The following HSD17B12 variants were observed in gnomAD, a reference collection of about 807,000 sequenced individuals.
HSD17B12 encodes hydroxysteroid 17-beta dehydrogenase 12.
In HSD17B12, 32 loss-of-function variants were observed where a neutral mutation model predicts 39.3. The observed-to-expected ratio is 0.81, with a 90% confidence interval of 0.61 to 1.09. The LOEUF (loss-of-function observed/expected upper bound fraction) is 1.09. Among genes scored for constraint, HSD17B12 ranks in the 50% least tolerant of loss-of-function variants. The pLI, the probability that HSD17B12 is intolerant of heterozygous loss-of-function variation, is 0.00. For missense variants in HSD17B12, 342 were observed against 382.9 expected (o/e 0.89, Z 0.89); for synonymous variants, 150 against 146.7 (o/e 1.02, Z -0.16).
intron 3 of HSD17B12, among the ~76,000 whole-genome samples, chr11:43,756,372 T>C (rs1401350222): frequency 4.6e-5 from 7 of 152,150 alleles, no homozygotes; most frequent in African/African-American, 2.4e-5. Context: ...GGCCAAGATA[T>C]ACAGTATTTT....
intron 9 of HSD17B12, among the ~76,000 whole-genome samples, chr11:43,840,870 A>T (rs1028511360): frequency 1.3e-5 from 2 of 152,170 alleles, no homozygotes; most frequent in Non-Finnish European, 2.9e-5. Context: ...TCTGTTTTCA[A>T]TTCTTTTGTA....
At chr11:43,834,368 A>AT (rs11338478) in intron 7 of HSD17B12, among the ~76,000 whole-genome samples, 87 of 147,050 alleles carry the variant, frequency 5.9e-4, no homozygotes, top group African/African-American at 1.4e-3. Flanking sequence ...TTGGGATGGA[A>AT]TTTTTTTTTT....
At chr11:43,712,071 T>A (rs1002102963) in intron 1 of HSD17B12, among the ~76,000 whole-genome samples, 1 of 152,298 alleles carries the variant, frequency 6.6e-6, no homozygotes, top group Middle Eastern at 3.4e-3. Context: ...TTAAGTCTGA[T>A]AAGAAACATT....
At chr11:43,754,838 T>A in intron 3 of HSD17B12, 1 of 760,394 alleles carries the variant, frequency 1.3e-6, no homozygotes, top group Non-Finnish European at 2.4e-6. Flanking sequence ...GCAATACCCA[T>A]GTGACAGGGA....
Position 43,855,591 on chromosome 11 carries a change from G to C in HSD17B12, c.*343G>C, listed in dbSNP as rs1485403944. On this transcript the variant is annotated 3_prime_UTR_variant, in exon 11 of 11. Transcript: ENST00000278353. ...TTGGCAGTTTTATCTGCTTCAAAAT[G>C]CCATTGATCATTATTCCTGTATTTT... 1.3e-5 allele frequency: 2 copies of C among 156,040 alleles called. No homozygotes were observed. Among genetic ancestry groups the C allele is most frequent in the African/African-American group, 4.8e-5 (2 of 41,556 alleles). 9.7% of individuals were successfully genotyped at this position (156,040 alleles called of 1,614,324 possible).
chr11:43,650,262 GAAAAC>G, the HSD17B12 span, among the ~76,000 whole-genome samples: 5 of 151,964 alleles, frequency 3.3e-5, no homozygotes, highest in Admixed American at 2.0e-4. Context: ...TTTTTCAAAT[GAAAAC>G]AAAACAAAAC....
the HSD17B12 span, among the ~76,000 whole-genome samples, chr11:43,566,912 A>G: frequency 1.5e-4 from 23 of 152,332 alleles, no homozygotes; most frequent in South Asian, 4.6e-3. Flanking sequence ...TCAGCAGGGA[A>G]AGGACTGCAG....
At position 43,832,600 on chromosome 11, in the gene HSD17B12, A is replaced by C. The variant is rs576883052; in HGVS notation, c.536+1590A>C. ...CCAAGAAGCTGGGAACTTCACTGCTATCTCTGTAGACCTGACAGCCATGAT... is the reference window on the plus strand; with the variant it reads ...CCAAGAAGCTGGGAACTTCACTGCTCTCTCTGTAGACCTGACAGCCATGAT... On this transcript the variant is annotated intron_variant, in intron 7 of 10. Coordinates refer to ENST00000278353, the MANE Select transcript of HSD17B12 (RefSeq NM_016142.3). Among the ~76,000 whole-genome samples, 4 of 152,342 alleles carry C rather than the reference A, an allele frequency of 2.6e-5. No homozygotes were observed. In the South Asian group the frequency reaches 8.3e-4, roughly 32 times the overall value.
the HSD17B12 span, among the ~76,000 whole-genome samples, chr11:43,658,983 C>G: frequency 1.3e-5 from 2 of 152,204 alleles, no homozygotes; most frequent in African/African-American, 4.8e-5. Context: ...TGTGCCCTGC[C>G]CCTAGAGGTG....
At chr11:43,581,627 G>A in the HSD17B12 span, 1 of 369,554 alleles carries the variant, frequency 2.7e-6, no homozygotes, top group South Asian at 2.0e-5. This position sits in a 1 kb window ranked among gnomAD's most constrained non-coding sequence, Gnocchi z 4.9. Context: ...CGGTGCCCGA[G>A]GCTTTGGTCA....
At chr11:43,698,210 C>G (rs1565052959) in intron 1 of HSD17B12, among the ~76,000 whole-genome samples, 1 of 152,124 alleles carries the variant, frequency 6.6e-6, no homozygotes, top group Non-Finnish European at 1.5e-5. Context: ...GGTCTGAGCT[C>G]TGGGCACTGA....
chr11:43,775,993 T>C (rs1950699260), intron 3 of HSD17B12, among the ~76,000 whole-genome samples: 1 of 152,220 alleles, frequency 6.6e-6, no homozygotes, highest in Non-Finnish European at 1.5e-5. Context: ...CACATTTTCT[T>C]AATCCAGTCT....
the HSD17B12 span, among the ~76,000 whole-genome samples, chr11:43,609,150 G>A: frequency 2.0e-5 from 3 of 151,518 alleles, no homozygotes; most frequent in African/African-American, 7.3e-5. Context: ...ATGTTGTCCA[G>A]ACTGGTCTCA....
chr11:43,805,867 G>A (rs1951013406), intron 4 of HSD17B12, among the ~76,000 whole-genome samples: 1 of 152,068 alleles, frequency 6.6e-6, no homozygotes, highest in South Asian at 2.1e-4. Flanking sequence ...TTGACTAACT[G>A]GCTACAAATT....
intron 3 of HSD17B12, among the ~76,000 whole-genome samples, chr11:43,760,772 T>G (rs1202003951): frequency 1.3e-5 from 2 of 152,230 alleles, no homozygotes; most frequent in East Asian, 3.8e-4. Context: ...AGTAAACACC[T>G]GTAGACCTTT....
intron 7 of HSD17B12, among the ~76,000 whole-genome samples, chr11:43,832,184 T>G (rs1156635794): frequency 6.6e-6 from 1 of 152,184 alleles, no homozygotes; most frequent in Non-Finnish European, 1.5e-5. Flanking sequence ...TGGCAGTGGT[T>G]AGACCAGACC....
chr11:43,819,739 G>A (rs2135088466), intron 6 of HSD17B12, among the ~76,000 whole-genome samples: 1 of 152,322 alleles, frequency 6.6e-6, no homozygotes, highest in Middle Eastern at 3.4e-3. Context: ...TTGATGGTAA[G>A]TGTCATTGGC....
At chr11:43,708,055 G>T (rs964263803) in intron 1 of HSD17B12, among the ~76,000 whole-genome samples, 1 of 152,066 alleles carries the variant, frequency 6.6e-6, no homozygotes, top group Non-Finnish European at 1.5e-5. Flanking sequence ...CCTCCCAAAG[G>T]CCCCACCCGC....
chr11:43,729,857 A>G (rs920278291), intron 1 of HSD17B12, among the ~76,000 whole-genome samples: 40 of 152,378 alleles, frequency 2.6e-4, no homozygotes, highest in Non-Finnish European at 3.2e-4. Flanking sequence ...ACTAGCCTCA[A>G]GTTTTCCTCT....
Sources: allele counts gnomAD v4.1 joint callset (sites outside exome capture counted in the v4.1 genomes callset), GRCh38; gene constraint gnomAD v4.1.1; non-coding constraint Gnocchi (gnomAD v3.1); transcripts MANE v1.5; gene names NCBI Gene and HGNC (gene_info 2026-07-23, HGNC 2026-07-21).